The following TAF4B variants were observed in gnomAD, a reference collection of about 807,000 sequenced individuals.
TAF4B encodes transcription initiation factor TFIID subunit 4B.
Under a neutral mutation model 86.4 loss-of-function variants are expected in TAF4B, and 38 were observed. That is an observed-to-expected ratio of 0.44 (90% CI 0.34 to 0.58). The LOEUF (loss-of-function observed/expected upper bound fraction) is 0.58, where lower values mean the gene tolerates loss of function less well. TAF4B is among the 20% of genes least tolerant of loss of function. The pLI is 0.02. For synonymous variants in TAF4B, 388 were observed against 391.2 expected (o/e 0.99, Z 0.10); for missense variants, 988 against 1,027.6 (o/e 0.96, Z 0.53).
chr18:26,366,612 A>G (rs1567924822), intron 14 of TAF4B, among the ~76,000 whole-genome samples: 1 of 152,196 alleles, frequency 6.6e-6, no homozygotes, highest in Non-Finnish European at 1.5e-5. Flanking sequence ...ATGTTTAACT[A>G]TGTTCACATT....
chr18:26,320,214 T>C (rs2056950423), intron 10 of TAF4B, among the ~76,000 whole-genome samples: 1 of 152,198 alleles, frequency 6.6e-6, no homozygotes, highest in African/African-American at 2.4e-5. Context: ...TTAAAAACAA[T>C]CACAGTAGTG....
chr18:26,237,332 C>CT (rs1555670724), intron 1 of TAF4B, among the ~76,000 whole-genome samples: 1 of 152,204 alleles, frequency 6.6e-6, no homozygotes, highest in Non-Finnish European at 1.5e-5. Flanking sequence ...GCCCTAGACC[C>CT]TGTAGGACAT....
intron 14 of TAF4B, among the ~76,000 whole-genome samples, chr18:26,383,072 A>G (rs899490329): frequency 1.3e-5 from 2 of 152,188 alleles, no homozygotes; most frequent in Non-Finnish European, 2.9e-5. Flanking sequence ...TATTTTGTTC[A>G]TAATCAATAG....
intron 8 of TAF4B, among the ~76,000 whole-genome samples, chr18:26,293,133 C>A (rs1293381917): frequency 9.2e-5 from 14 of 151,980 alleles, no homozygotes; most frequent in Admixed American, 8.5e-4. Context: ...TTAAAAAATA[C>A]CAATATAAGC....
chr18:26,287,993 T>C (rs1159653555), intron 7 of TAF4B, among the ~76,000 whole-genome samples: 1 of 152,208 alleles, frequency 6.6e-6, no homozygotes, highest in East Asian at 1.9e-4. Flanking sequence ...GGTACGTGAA[T>C]TTAATCTCAG....
chr18:26,328,626 A>G (rs1025982168), intron 12 of TAF4B, among the ~76,000 whole-genome samples: 1 of 151,714 alleles, frequency 6.6e-6, no homozygotes, highest in African/African-American at 2.4e-5. Flanking sequence ...TTTTTGTTTT[A>G]TTTTTTTGTT....
At chr18:26,244,386 T>C (rs1452806686) in intron 1 of TAF4B, among the ~76,000 whole-genome samples, 2 of 152,256 alleles carry the variant, frequency 1.3e-5, no homozygotes, top group Non-Finnish European at 2.9e-5. Context: ...AGGCGCGTGA[T>C]ATAATCTCCT....
Position 26,256,873 on chromosome 18 carries a change from A to G in TAF4B, c.344-8297A>G, listed in dbSNP as rs1405744876. 2.7e-5 allele frequency among the ~76,000 whole-genome samples: 4 copies of G among 148,828 alleles called. No individual in the cohort carries two copies. In the East Asian group the frequency reaches 8.0e-4, roughly 30 times the overall value. Reference sequence around the variant, plus strand: ...TAATTTCATTCCATTGTAGGTGGAGACCATACATTGTATTAGGTTGGTGCA... The same window carrying G: ...TAATTTCATTCCATTGTAGGTGGAGGCCATACATTGTATTAGGTTGGTGCA... On this transcript the variant is annotated intron_variant, in intron 1 of 14. Transcript: ENST00000269142.
At chr18:26,378,006 A>C (rs2057454134) in intron 14 of TAF4B, among the ~76,000 whole-genome samples, 1 of 152,186 alleles carries the variant, frequency 6.6e-6, no homozygotes, top group Non-Finnish European at 1.5e-5. Flanking sequence ...TAAGTCTAGT[A>C]ATTAGATGTT....
At chr18:26,242,981 A>G (rs2055863576) in intron 1 of TAF4B, among the ~76,000 whole-genome samples, 1 of 152,168 alleles carries the variant, frequency 6.6e-6, no homozygotes, top group Non-Finnish European at 1.5e-5. Context: ...TTCCCCTTGT[A>G]GGTAACCTGA....
At chr18:26,260,515 C>A (rs945665732) in intron 1 of TAF4B, among the ~76,000 whole-genome samples, 1 of 152,170 alleles carries the variant, frequency 6.6e-6, no homozygotes, top group African/African-American at 2.4e-5. Flanking sequence ...GCCAGTTTTC[C>A]CAGCACCATT....
At chr18:26,375,049 G>T (rs1313551033) in intron 14 of TAF4B, among the ~76,000 whole-genome samples, 1 of 152,106 alleles carries the variant, frequency 6.6e-6, no homozygotes, top group African/African-American at 2.4e-5. Flanking sequence ...ACCCTACAAA[G>T]AAATAGCTTG....
At chr18:26,281,698 A>G (rs1051185530) in intron 5 of TAF4B, among the ~76,000 whole-genome samples, 3 of 151,590 alleles carry the variant, frequency 2.0e-5, no homozygotes, top group Non-Finnish European at 4.4e-5. Flanking sequence ...ACAGATTGTA[A>G]TAATGTAGTA....
intron 14 of TAF4B, among the ~76,000 whole-genome samples, chr18:26,379,928 A>G (rs1598842210): frequency 6.6e-6 from 1 of 152,156 alleles, no homozygotes; most frequent in Non-Finnish European, 1.5e-5. Flanking sequence ...TATTGAAAGT[A>G]GTATTTTAAA....
chr18:26,310,101 G>A (rs62085400), intron 9 of TAF4B, among the ~76,000 whole-genome samples: 16,846 of 152,206 alleles, frequency 0.11, 957 homozygotes, highest in Middle Eastern at 0.14. Context: ...GGGATTACAG[G>A]TGTGAGCCAC....
intron 5 of TAF4B, among the ~76,000 whole-genome samples, chr18:26,280,043 C>A (rs201033516): frequency 6.9e-6 from 1 of 144,686 alleles, no homozygotes; most frequent in Non-Finnish European, 1.5e-5. Flanking sequence ...GACTCTATCT[C>A]AAAAAAAAAA....
chr18:26,335,153 A>C (rs1356230404), intron 12 of TAF4B, 22 bp from the exon 13 acceptor site: 1 of 1,582,738 alleles, frequency 6.3e-7, no homozygotes, highest in Non-Finnish European at 8.7e-7. Flanking sequence ...ATTTCTATTA[A>C]AATTTTCTTT....
intron 7 of TAF4B, among the ~76,000 whole-genome samples, chr18:26,289,378 A>G (rs1417148695): frequency 1.3e-5 from 2 of 152,374 alleles, no homozygotes; most frequent in Middle Eastern, 3.4e-3. Context: ...ATCTAACTCC[A>G]TATGGTCTGA....
intron 7 of TAF4B, among the ~76,000 whole-genome samples, chr18:26,287,400 T>C (rs2056537739): frequency 6.6e-6 from 1 of 152,210 alleles, no homozygotes; most frequent in Admixed American, 6.5e-5. Flanking sequence ...TCCTTTGTTT[T>C]GTCTGATTGT....
Sources: gnomAD v4.1 joint callset for allele counts (sites outside exome capture counted in the v4.1 genomes callset) on GRCh38, gnomAD v4.1.1 for gene constraint, MANE v1.5 for transcripts, NCBI Gene and HGNC (gene_info 2026-07-23, HGNC 2026-07-21) for gene names.